CNBD1: variants seen among roughly 807,000 people sequenced by gnomAD.
CNBD1 encodes cyclic nucleotide-binding domain-containing protein 1.
In CNBD1, 71 loss-of-function variants were observed where a neutral mutation model predicts 54.4. The ratio of observed to expected loss-of-function variants is 1.30; its 90% confidence interval spans 1.08 to 1.59. The LOEUF is 1.59. CNBD1 is among the 40% of genes most tolerant of loss of function. CNBD1 has a pLI of 0.00. For synonymous variants in CNBD1, 182 were observed against 170.7 expected (o/e 1.07, Z -0.51); for missense variants, 659 against 518.0 (o/e 1.27, Z -2.64).
chr8:87,422,665 T>C (rs549280638), intron 2 of CNBD1, among the ~76,000 whole-genome samples: 228 of 152,282 alleles, frequency 1.5e-3, no homozygotes, highest in Non-Finnish European at 2.5e-3. Context: ...CATGCTGTTT[T>C]GGTTACTGTA....
intron 4 of CNBD1, among the ~76,000 whole-genome samples, chr8:87,001,772 A>G (rs1365566823): frequency 3.3e-5 from 5 of 152,060 alleles, no homozygotes; most frequent in Non-Finnish European, 5.9e-5. Context: ...ATTCTTTATT[A>G]ATGTCTTTAA....
chr8:86,925,187 T>G (rs939488532), intron 3 of CNBD1, among the ~76,000 whole-genome samples: 16 of 152,158 alleles, frequency 1.1e-4, no homozygotes, highest in Non-Finnish European at 2.9e-5. Flanking sequence ...TCAGCACTCT[T>G]GGTTAGCAAA....
At chr8:87,404,560 C>G (rs906241034) in intron 2 of CNBD1, among the ~76,000 whole-genome samples, 15 of 152,056 alleles carry the variant, frequency 9.9e-5, no homozygotes, top group Admixed American at 6.6e-5. Context: ...TAATACAACT[C>G]ACGCTGGTCA....
chr8:87,298,312 T>C (rs566981587), intron 8 of CNBD1, among the ~76,000 whole-genome samples: 1 of 151,968 alleles, frequency 6.6e-6, no homozygotes, highest in South Asian at 2.1e-4. Flanking sequence ...CTCAAGAAAA[T>C]AGTATTAACT....
chr8:86,955,286 A>T lies in CNBD1; in HGVS notation c.431+15532A>T, dbSNP rs186777579. 9.5e-3 allele frequency among the ~76,000 whole-genome samples: 1,453 copies of T among 152,236 alleles called. 11 individuals are homozygous for T. Among genetic ancestry groups the T allele is most frequent in the Admixed American group, 0.014 (220 of 15,276 alleles). On this transcript the variant is annotated intron_variant, in intron 4 of 10. Coordinates refer to ENST00000518476, the MANE Select transcript of CNBD1 (RefSeq NM_173538.3). ...TTTGCTATTGTGAATAGTGCCCCAA[A>T]AAACATACGTGTGCATGTGTCTTTA...
chr8:87,143,352 G>T (rs1173402200), intron 4 of CNBD1, among the ~76,000 whole-genome samples: 2 of 152,012 alleles, frequency 1.3e-5, no homozygotes, highest in African/African-American at 4.8e-5. Flanking sequence ...TTTCAAGCCG[G>T]CAGATTGTCT....
chr8:86,940,828 A>G (rs1403940949), intron 4 of CNBD1, among the ~76,000 whole-genome samples: 1 of 152,238 alleles, frequency 6.6e-6, no homozygotes, highest in African/African-American at 2.4e-5. Flanking sequence ...TATGTTCTGA[A>G]GAATGAACTT....
intron 8 of CNBD1, among the ~76,000 whole-genome samples, chr8:87,337,790 C>T (rs1227730836): frequency 1.3e-5 from 2 of 152,290 alleles, no homozygotes; most frequent in Admixed American, 6.5e-5. Flanking sequence ...GTGGATCATG[C>T]CAGCCACCTA....
At chr8:87,373,305 G>A (rs1205914643) in intron 10 of CNBD1, among the ~76,000 whole-genome samples, 6 of 151,742 alleles carry the variant, frequency 4.0e-5, no homozygotes, top group Admixed American at 2.6e-4. Context: ...TAATGGTGAA[G>A]CCACCAATCA....
intron 4 of CNBD1, among the ~76,000 whole-genome samples, chr8:86,941,010 T>C (rs1387275511): frequency 6.6e-6 from 1 of 152,224 alleles, no homozygotes; most frequent in Non-Finnish European, 1.5e-5. Context: ...GTTTACAGAA[T>C]GACAAAATCG....
chr8:86,928,209 G>C (rs1809396699), intron 3 of CNBD1, among the ~76,000 whole-genome samples: 1 of 152,078 alleles, frequency 6.6e-6, no homozygotes, highest in African/African-American at 2.4e-5. Context: ...TGACCAAGTT[G>C]GCCGTTTCCT....
At chr8:87,112,174 T>C (rs1811677110) in intron 4 of CNBD1, among the ~76,000 whole-genome samples, 1 of 152,154 alleles carries the variant, frequency 6.6e-6, no homozygotes, top group African/African-American at 2.4e-5. Context: ...CACTCTTGAA[T>C]CTCTCCCATA....
chr8:87,028,298 A>AT (rs112549395), intron 4 of CNBD1, among the ~76,000 whole-genome samples: 3,129 of 152,284 alleles, frequency 0.021, 103 homozygotes, highest in African/African-American at 0.058. Context: ...GCCAGATGCA[A>AT]TGGGGCCGGA....
intron 4 of CNBD1, among the ~76,000 whole-genome samples, chr8:87,200,426 A>G (rs1286293724): frequency 1.3e-5 from 2 of 152,160 alleles, no homozygotes; most frequent in Non-Finnish European, 2.9e-5. Context: ...TTGAAGTGCT[A>G]AAAGAAATAA....
At chr8:87,109,475 C>T (rs2130702266) in intron 4 of CNBD1, among the ~76,000 whole-genome samples, 1 of 151,538 alleles carries the variant, frequency 6.6e-6, no homozygotes, top group Middle Eastern at 3.4e-3. Context: ...ATATAGACCT[C>T]TGTTAGTAAC....
intron 6 of CNBD1, among the ~76,000 whole-genome samples, chr8:87,276,120 G>T (rs924910226): frequency 6.6e-6 from 1 of 151,942 alleles, no homozygotes; most frequent in Admixed American, 6.6e-5. Flanking sequence ...TATCTAATAC[G>T]TATATATAGT....
intron 4 of CNBD1, among the ~76,000 whole-genome samples, chr8:87,174,290 G>C (rs1813154035): frequency 6.6e-6 from 1 of 151,878 alleles, no homozygotes; most frequent in Admixed American, 6.6e-5. Context: ...TGTCTTCTCT[G>C]TGTATTTTCA....
chr8:87,086,521 C>T (rs2130672619), intron 4 of CNBD1, among the ~76,000 whole-genome samples: 1 of 152,214 alleles, frequency 6.6e-6, no homozygotes, highest in East Asian at 1.9e-4. Context: ...AGTCTACAGG[C>T]TCAGAAAAGA....
At chr8:87,018,457 T>G (rs2130572302) in intron 4 of CNBD1, among the ~76,000 whole-genome samples, 1 of 152,314 alleles carries the variant, frequency 6.6e-6, no homozygotes, top group African/African-American at 2.4e-5. Context: ...CCTTAACTTT[T>G]TTTAAGTACA....
Sources: gnomAD v4.1 joint callset for allele counts (sites outside exome capture counted in the v4.1 genomes callset) on GRCh38, gnomAD v4.1.1 for gene constraint, MANE v1.5 for transcripts, NCBI Gene and HGNC (gene_info 2026-07-23, HGNC 2026-07-21) for gene names.